RASSF3: variants seen among roughly 807,000 people sequenced by gnomAD.
RASSF3 encodes the protein Ras association domain family member 3, also known as ras association domain-containing protein 3.
In RASSF3, 19 loss-of-function variants were observed where a neutral mutation model predicts 19.9. The ratio of observed to expected loss-of-function variants is 0.96; its 90% CI spans 0.67 to 1.40. The LOEUF is 1.40. Among genes scored for constraint, RASSF3 ranks in the 40% most tolerant of loss-of-function variants. The pLI, the probability that RASSF3 is intolerant of heterozygous loss-of-function variation, is 0.00. For missense variants in RASSF3, 306 were observed against 289.8 expected (o/e 1.06, Z -0.41); for synonymous variants, 110 against 104.2 (o/e 1.06, Z -0.34).
chr12:64,619,076 C>T (rs1441673382), intron 1 of RASSF3, among the ~76,000 whole-genome samples: 1 of 151,860 alleles, frequency 6.6e-6, no homozygotes, highest in East Asian at 1.9e-4. Flanking sequence ...ATGCATGTGG[C>T]TCGCATGATA....
chr12:64,527,737 C>A (rs1868618023), intron 1 of RASSF3, among the ~76,000 whole-genome samples: 1 of 151,680 alleles, frequency 6.6e-6, no homozygotes, highest in Admixed American at 6.6e-5. Context: ...GAGTTTGAGA[C>A]CAGCCTGGCC....
chr12:64,664,303 A>T (rs955886006), intron 1 of RASSF3, among the ~76,000 whole-genome samples: 6 of 152,200 alleles, frequency 3.9e-5, no homozygotes, highest in African/African-American at 1.4e-4. Context: ...AGCTTAAAAA[A>T]ATGCTGCATT....
At chr12:64,628,903 C>T (rs187312980) in intron 1 of RASSF3, among the ~76,000 whole-genome samples, 2 of 151,832 alleles carry the variant, frequency 1.3e-5, no homozygotes, top group East Asian at 3.9e-4. Flanking sequence ...TTATAAAATG[C>T]CAGAGTCAGT....
At chr12:64,683,410 T>C (rs1449491580) in intron 1 of RASSF3, among the ~76,000 whole-genome samples, 3 of 152,222 alleles carry the variant, frequency 2.0e-5, no homozygotes, top group Non-Finnish European at 4.4e-5. Context: ...CAGCTAATTA[T>C]TGGTAAATTC....
intron 1 of RASSF3, among the ~76,000 whole-genome samples, chr12:64,634,967 C>CTT (rs139897110): frequency 2.3e-5 from 3 of 128,114 alleles, no homozygotes; most frequent in African/African-American, 5.8e-5. Context: ...CTTTTCTTTT[C>CTT]TTTTTTTTTT....
At chr12:64,540,120 A>G (rs2136114308) in intron 1 of RASSF3, among the ~76,000 whole-genome samples, 1 of 152,354 alleles carries the variant, frequency 6.6e-6, no homozygotes, top group East Asian at 1.9e-4. Flanking sequence ...AATTTTAGAA[A>G]CAATGAGATA....
intron 1 of RASSF3, among the ~76,000 whole-genome samples, chr12:64,661,906 C>T (rs1454979814): frequency 6.6e-6 from 1 of 150,440 alleles, no homozygotes; most frequent in Non-Finnish European, 1.5e-5. Context: ...TTCTCGAACT[C>T]TTGACTTAAG....
At chr12:64,514,372 A>T (rs1868348040) in intron 1 of RASSF3, among the ~76,000 whole-genome samples, 4 of 151,590 alleles carry the variant, frequency 2.6e-5, no homozygotes, top group Non-Finnish European at 2.9e-5. Context: ...TTTTTAGTAG[A>T]GGCAGGGTTT....
chr12:64,663,797 C>T (rs1401817968), intron 1 of RASSF3, among the ~76,000 whole-genome samples: 3 of 151,568 alleles, frequency 2.0e-5, no homozygotes, highest in East Asian at 3.9e-4. Context: ...TGAGCCACCA[C>T]CCCCGGCCAT....
intron 2 of RASSF3, chr12:64,575,583 A>G (rs1354408234): frequency 1.3e-5 from 2 of 152,202 alleles, no homozygotes; most frequent in Non-Finnish European, 2.9e-5. Flanking sequence ...ATATCTAGGA[A>G]TAAAACAAAT....
At chr12:64,539,643 G>A (rs1454614678) in intron 1 of RASSF3, among the ~76,000 whole-genome samples, 4 of 152,090 alleles carry the variant, frequency 2.6e-5, no homozygotes, top group Admixed American at 2.0e-4. Flanking sequence ...AAGCATGGTA[G>A]TATATGCCTG....
intron 1 of RASSF3, among the ~76,000 whole-genome samples, chr12:64,641,414 A>ACACACACACACACACACGCGCGCGCGCG: frequency 4.2e-5 from 6 of 142,192 alleles, no homozygotes; most frequent in African/African-American, 1.7e-4. Flanking sequence ...ACACACACAC[A>ACACACACACACACACACGCGCGCGCGCG]CGCGCGCGCG....
chr12:64,593,871 G>A (rs1869959820), intron 2 of RASSF3, among the ~76,000 whole-genome samples: 1 of 151,968 alleles, frequency 6.6e-6, no homozygotes, highest in African/African-American at 2.4e-5. Flanking sequence ...AATTAGTCAG[G>A]TGTGGTGTCA....
At chr12:64,581,125 G>C (rs1264741633) in intron 2 of RASSF3, among the ~76,000 whole-genome samples, 2 of 151,176 alleles carry the variant, frequency 1.3e-5, no homozygotes, top group Non-Finnish European at 2.9e-5. Flanking sequence ...AAAAAAAAGA[G>C]AGAGAGAGAG....
intron 1 of RASSF3, among the ~76,000 whole-genome samples, chr12:64,617,858 T>C (rs1037466296): frequency 1.3e-5 from 2 of 152,162 alleles, no homozygotes; most frequent in Non-Finnish European, 2.9e-5. Context: ...TGCCCGGCCC[T>C]ATACATCTGT....
intron 2 of RASSF3, among the ~76,000 whole-genome samples, chr12:64,590,770 G>T (rs1309012821): frequency 6.6e-6 from 1 of 152,158 alleles, no homozygotes; most frequent in Non-Finnish European, 1.5e-5. Flanking sequence ...TCAGTAGTAG[G>T]TCAGCTGTGA....
intron 1 of RASSF3, among the ~76,000 whole-genome samples, chr12:64,620,522 T>C (rs1002254885): frequency 1.3e-5 from 2 of 152,202 alleles, no homozygotes; most frequent in Non-Finnish European, 2.9e-5. Context: ...AGGAATACTA[T>C]ACTGACAAAT....
chr12:64,540,851 G>A (rs561693438), intron 1 of RASSF3, among the ~76,000 whole-genome samples: 1 of 152,020 alleles, frequency 6.6e-6, no homozygotes, highest in Non-Finnish European at 1.5e-5. Flanking sequence ...GCTCACTGCA[G>A]CCTCGACCTT....
intron 1 of RASSF3, among the ~76,000 whole-genome samples, chr12:64,615,705 C>T (rs1344130038): frequency 1.3e-5 from 2 of 149,240 alleles, no homozygotes; most frequent in Non-Finnish European, 1.5e-5. Flanking sequence ...GACGGAGTTT[C>T]GCTTTTGTCA....
Sources: allele counts gnomAD v4.1 joint callset (sites outside exome capture counted in the v4.1 genomes callset), GRCh38; gene constraint gnomAD v4.1.1; transcripts MANE v1.5; gene names NCBI Gene and HGNC (gene_info 2026-07-23, HGNC 2026-07-21).